Variants in CEP131 observed in about 807,000 individuals in gnomAD.
CEP131 encodes the protein centrosomal protein 131, also known as centrosomal protein of 131 kDa.
Under a neutral mutation model 136.8 loss-of-function variants are expected in CEP131, and 99 were observed. The ratio of observed to expected loss-of-function variants is 0.72; its 90% CI spans 0.62 to 0.86. CEP131 has a LOEUF of 0.86. CEP131 is among the 40% of genes least tolerant of loss of function. CEP131 has a pLI of 0.00. For missense variants in CEP131, 1,459 were observed against 1,463.0 expected (o/e 1.00, Z 0.04); for synonymous variants, 646 against 612.7 (o/e 1.05, Z -0.80).
chr17:81,212,573 G>A (rs1321355867), intron 2 of CEP131, among the ~76,000 whole-genome samples: 1 of 146,636 alleles, frequency 6.8e-6, no homozygotes, highest in African/African-American at 2.5e-5. Context: ...CCGAGGAGCC[G>A]TGGGCAGGAG....
rs1217639382 is a variant in CEP131 at position 81,219,211 on chromosome 17, GCCCACACA to G, written c.177+661_177+668del. On this transcript the variant is annotated intron_variant, in intron 2 of 25. Transcript: ENST00000450824. This position sits in a 1 kb window ranked among gnomAD's most constrained non-coding sequence, Gnocchi z 4.0. ...CCGAAGCTCCCACGGCTGTCCTGCTGCCCACACACCCACACACCCGTCTAGGTTTCTCC... is the reference window on the plus strand; with the variant it reads ...CCGAAGCTCCCACGGCTGTCCTGCTGCCCACACACCCGTCTAGGTTTCTCC... 6.6e-6 allele frequency among the ~76,000 whole-genome samples: 1 copy of G among 151,896 alleles called. No individual in the cohort carries two copies. The highest frequency in any genetic ancestry group is 1.9e-4 in the East Asian group (1 of 5,172).
chr17:81,220,733 T>G (rs1007825155), intron 1 of CEP131, among the ~76,000 whole-genome samples: 17 of 151,988 alleles, frequency 1.1e-4, no homozygotes, highest in African/African-American at 4.1e-4. Context: ...ACTCCTGACC[T>G]CAGGTGATTC....
intron 2 of CEP131, among the ~76,000 whole-genome samples, chr17:81,212,866 T>C (rs2062165600): frequency 6.6e-6 from 1 of 152,122 alleles, no homozygotes; most frequent in Non-Finnish European, 1.5e-5. Context: ...ACAGTGTGTA[T>C]ATTACACACC....
At chr17:81,195,728 G>A (rs1031298546) in intron 16 of CEP131, 107 bp downstream of exon 16, 2 of 982,796 alleles carry the variant, frequency 2.0e-6, no homozygotes, top group South Asian at 3.0e-5. Context: ...GACACACCGA[G>A]ACAGGAATGA....
intron 21 of CEP131, 138 bp from the exon 22 acceptor site, chr17:81,191,473 T>G: frequency 2.6e-6 from 2 of 759,752 alleles, no homozygotes; most frequent in East Asian, 2.5e-5. Context: ...CAGACCCCTG[T>G]CCAGGGGTGC....
In CEP131 at chr17:81,191,202, G is replaced by A. The variant is rs1210482807; in HGVS notation, c.2756C>T (p.Ala919Val). The A allele has an allele frequency of 6.2e-7, 1 of 1,612,294 alleles. No individual in the cohort carries two copies. The highest frequency in any genetic ancestry group is 1.1e-5 in the South Asian group (1 of 91,080). Residue 919 changes from alanine (A) to valine (V), a missense_variant, in exon 22 of 26, where the codon GCC becomes GTC. This residue lies in a region of CEP131 where 1,026 missense variants were observed against 964.2 expected (regional missense o/e 1.06). Coordinates refer to ENST00000450824, the MANE Select transcript of CEP131 (RefSeq NM_014984.4). ...CATGGCGGGTCCTTACCGGCTCTCGGCAGCCTTCTCACTCTCCTCCTTGGC... is the reference window on the plus strand; with the variant it reads ...CATGGCGGGTCCTTACCGGCTCTCGACAGCCTTCTCACTCTCCTCCTTGGC... ...ALAKEESEKA[A>V]ESRIKRLRDK...
chr17:81,190,219 G>A (rs1435538894), intron 24 of CEP131, among the ~76,000 whole-genome samples: 1 of 152,170 alleles, frequency 6.6e-6, no homozygotes, highest in Non-Finnish European at 1.5e-5. Context: ...CAGATGGGGT[G>A]GGACACCTCG....
chr17:81,206,649 C>T (rs2062014198), intron 5 of CEP131, 95 bp downstream of exon 5: 1 of 1,470,904 alleles, frequency 6.8e-7, no homozygotes, highest in South Asian at 1.4e-5. Flanking sequence ...TTCCAAAGCA[C>T]CCTGAACGAG....
At chr17:81,207,956 T>C (rs377594555) in intron 3 of CEP131, among the ~76,000 whole-genome samples, 4 of 844 alleles carry the variant, frequency 4.7e-3, no homozygotes, top group East Asian at 0.083. Context: ...ACACACCCCA[T>C]ACACACACAC....
rs1291444125 is a variant in CEP131 at position 81,191,249 on chromosome 17, C to G, written c.2709G>C (p.Arg903=). The G allele has an allele frequency of 6.2e-7, 1 of 1,613,380 alleles. No individual in the cohort carries two copies. Residue 903 remains arginine (R), a synonymous_variant, in exon 22 of 26, where the codon CGG becomes CGC. Transcript: ENST00000450824. ...RDKEIELVIH[R]LEADMALAKE... ...TGGCCAGCGCCATGTCGGCCTCCAG[C>G]CGGTGAATGACCAGCTCAATCTCCT...
At position 81,196,990 on chromosome 17, in the gene CEP131, C is replaced by A; in HGVS notation, c.1713G>T (p.Met571Ile). 6.2e-7 allele frequency: 1 copy of A among 1,604,812 alleles called. No homozygotes were observed. The highest frequency in any genetic ancestry group is 1.1e-5 in the South Asian group (1 of 89,440). ...TCTCCTCCACCTCCAGCTTCAGCCG[C>A]ATCACAGACGTGCTCACCTCGGACC... ...ELGSEVSTSV[M>I]RLKLEVEEKK... Residue 571 changes from methionine (M) to isoleucine (I), a missense_variant, in exon 14 of 26, where the codon ATG (methionine) becomes ATT (isoleucine). By Grantham distance (10) the Met-to-Ile change is conservative. Around this residue, in one of 3 missense-constraint regions of CEP131, gnomAD observed 1,026 missense variants for 964.2 expected, o/e 1.06. Transcript: ENST00000450824.
At position 81,190,768 on chromosome 17, in the gene CEP131, A is replaced by C. The variant is rs771459125; in HGVS notation, c.2978T>G (p.Leu993Arg). ...GAACTCCTGGCGGATCACCTGGGCC[A>C]GGTTGCTGCGCTCGCTAGAAAGCTG... ...NEQLSSERSN[L>R]AQVIRQEFED... Residue 993 changes from leucine (L) to arginine (R), a missense_variant, in exon 24 of 26, where the codon CTG becomes CGG. By Grantham distance (102) the Leu-to-Arg change is moderately radical (BLOSUM62 -2). Coordinates refer to ENST00000450824, the MANE Select transcript of CEP131 (RefSeq NM_014984.4). 7.4e-6 allele frequency: 12 copies of C among 1,611,694 alleles called. No homozygotes were observed. In the Admixed American group the frequency reaches 8.3e-5, roughly 11 times the overall value.
Position 81,193,922 on chromosome 17 carries a change from C to T in CEP131, c.2321+4G>A. ...GGCCCCACCGGCCTGGGGCCACCAC[C>T]CACCGCTGCCGAGCACGTTCGCGCT... On this transcript the variant is annotated splice_donor_region_variant and intron_variant, in intron 18 of 25. Transcript: ENST00000450824. The T allele has an allele frequency of 6.5e-7, 1 of 1,533,442 alleles. No individual in the cohort carries two copies. Among genetic ancestry groups the T allele is most frequent in the Non-Finnish European group, 8.8e-7 (1 of 1,142,276 alleles). The allele number at this position is 1,533,442 out of a possible 1,614,324, so 95.0% of individuals were successfully genotyped here.
At chr17:81,198,024 C>T (rs996484409) in intron 12 of CEP131, 91 bp downstream of exon 12, 5 of 1,481,386 alleles carry the variant, frequency 3.4e-6, no homozygotes, top group Non-Finnish European at 4.5e-6. Context: ...CCTGTGGCAT[C>T]CCCATTTTCC....
chr17:81,197,160 G>C, intron 13 of CEP131, 105 bp from the exon 14 acceptor site: 1 of 1,434,474 alleles, frequency 7.0e-7, no homozygotes, highest in Non-Finnish European at 9.2e-7. Flanking sequence ...CAGAGGGGCT[G>C]CTGCACACGG....
rs776392487 is a variant in CEP131 at position 81,195,887 on chromosome 17, T to A, written c.1964A>T (p.Glu655Val). 4.0e-5 allele frequency: 64 copies of A among 1,609,324 alleles called. No homozygotes were observed. Among genetic ancestry groups the A allele is most frequent in the Non-Finnish European group, 5.2e-5 (61 of 1,179,938 alleles). ...CACACGCTCGGTGCATCTCTGGTCC[T>A]CCTGCTTCAGCTCGGCCACCACAGC... ...CEAVVAELKQ[E>V]DQRCTERVAQ... The change falls in exon 16 of 26, where the codon GAG becomes GTG. Residue 655 changes from glutamate (E) to valine (V), a missense_variant. Around this residue, in one of 3 missense-constraint regions of CEP131, gnomAD observed 1,026 missense variants for 964.2 expected, o/e 1.06. Coordinates refer to ENST00000450824, the MANE Select transcript of CEP131 (RefSeq NM_014984.4).
At chr17:81,217,229 C>A (rs936352470) in intron 2 of CEP131, among the ~76,000 whole-genome samples, 1 of 152,112 alleles carries the variant, frequency 6.6e-6, no homozygotes, top group Non-Finnish European at 1.5e-5. Context: ...TACAGTCTGG[C>A]ACCGACATCT....
At chr17:81,207,442 T>C (rs1296994450) in intron 3 of CEP131, among the ~76,000 whole-genome samples, 1 of 151,516 alleles carries the variant, frequency 6.6e-6, no homozygotes, top group Non-Finnish European at 1.5e-5. Context: ...TGAGCTTCCA[T>C]CAGAAGCTTC....
chr17:81,212,332 A>AAAAAG (rs1567877882), intron 2 of CEP131, among the ~76,000 whole-genome samples: 4 of 151,026 alleles, frequency 2.6e-5, no homozygotes, highest in Admixed American at 6.6e-5. Context: ...AAAAAAAAAA[A>AAAAAG]AAAAGAAAAG....
Sources: gnomAD v4.1 joint callset for allele counts (sites outside exome capture counted in the v4.1 genomes callset) on GRCh38, gnomAD v4.1.1 for gene constraint, gnomAD v4.1.1 regional missense constraint, Gnocchi (gnomAD v3.1) non-coding constraint, MANE v1.5 for transcripts, NCBI Gene and HGNC (gene_info 2026-07-23, HGNC 2026-07-21) for gene names.